The following PTPRD variants were observed in gnomAD, a reference collection of about 807,000 sequenced individuals.
PTPRD encodes the protein protein tyrosine phosphatase receptor type D.
In PTPRD, 34 loss-of-function variants were observed where a neutral mutation model predicts 214.5. That is an observed-to-expected ratio of 0.16 (90% CI 0.12 to 0.21). PTPRD has a LOEUF of 0.21. Among genes scored for constraint, PTPRD ranks in the 10% least tolerant of loss-of-function variants. The pLI, the probability that PTPRD is intolerant of heterozygous loss-of-function variation, is 1.00. For missense variants in PTPRD, 2,545 were observed against 2,398.7 expected, an observed-to-expected ratio of 1.06 and a Z score of -1.27; for synonymous variants, 1,128 against 845.7, an observed-to-expected ratio of 1.33 and a Z score of -5.79.
At chr9:9,556,406 A>G (rs1435540306) in intron 8 of PTPRD, among the ~76,000 whole-genome samples, 1 of 152,130 alleles carries the variant, frequency 6.6e-6, no homozygotes, top group East Asian at 1.9e-4. Context: ...ACATTTATTG[A>G]AAAAATTTAC....
At chr9:9,894,143 A>T (rs115660378) in intron 5 of PTPRD, among the ~76,000 whole-genome samples, 170 of 152,036 alleles carry the variant, frequency 1.1e-3, no homozygotes, top group African/African-American at 3.9e-3. Context: ...TGTCACATGA[A>T]CACCTCTATA....
chr9:9,579,728 G>T (rs971289853), intron 7 of PTPRD, among the ~76,000 whole-genome samples: 1 of 151,964 alleles, frequency 6.6e-6, no homozygotes, highest in African/African-American at 2.4e-5. Context: ...AAATTTGAGG[G>T]GTATAAGTAT....
At chr9:9,743,796 C>T (rs971027013) in intron 6 of PTPRD, among the ~76,000 whole-genome samples, 1 of 147,374 alleles carries the variant, frequency 6.8e-6, no homozygotes, top group African/African-American at 2.5e-5. Flanking sequence ...ATAAATTTCC[C>T]TCCAAAAAAT....
At chr9:9,736,791 T>C (rs1275650887) in intron 6 of PTPRD, among the ~76,000 whole-genome samples, 1 of 152,050 alleles carries the variant, frequency 6.6e-6, no homozygotes, top group African/African-American at 2.4e-5. Context: ...GGGTAGTCTT[T>C]CCTTATCGAT....
chr9:9,955,892 A>G (rs115937478), intron 4 of PTPRD, among the ~76,000 whole-genome samples: 3 of 152,230 alleles, frequency 2.0e-5, no homozygotes, highest in African/African-American at 7.2e-5. Flanking sequence ...TAATGTAACT[A>G]CATGTTCCTG....
At chr9:10,085,472 T>G (rs1375683469) in intron 3 of PTPRD, among the ~76,000 whole-genome samples, 4 of 151,982 alleles carry the variant, frequency 2.6e-5, no homozygotes, top group Admixed American at 2.6e-4. Context: ...TGAGAAACCT[T>G]GTTTCTGTTG....
rs59780411 is a variant in PTPRD at position 9,840,761 on chromosome 9, C to CAAAAAA, written c.-367-73916_-367-73911dup. On this transcript the variant is annotated intron_variant, in intron 5 of 45. Coordinates refer to ENST00000381196, the MANE Select transcript of PTPRD (RefSeq NM_002839.4). ...CTGGCGACAGAGCAAGACTCCGTTT[C>CAAAAAA]AAAAAAAAAAAAAAAAAAAAAAAAA... Among the ~76,000 whole-genome samples the CAAAAAA allele has an allele frequency of 3.9e-4, 24 of 61,620 alleles. 1 individual carries two copies. Among genetic ancestry groups the CAAAAAA allele is most frequent in the African/African-American group, 7.4e-4 (10 of 13,458 alleles). 40.4% of individuals were successfully genotyped at this position (61,620 alleles called of 152,430 possible). A position where few individuals can be genotyped will look rare whatever the true frequency, so the allele number is the denominator to read the frequency against.
chr9:9,192,280 G>C (rs938659212), intron 9 of PTPRD, among the ~76,000 whole-genome samples: 2 of 152,014 alleles, frequency 1.3e-5, no homozygotes, highest in African/African-American at 2.4e-5. Flanking sequence ...CAGGAGTGCA[G>C]TTCTCACACA....
intron 10 of PTPRD, among the ~76,000 whole-genome samples, chr9:9,052,948 T>A (rs928225309): frequency 6.6e-6 from 1 of 152,188 alleles, no homozygotes; most frequent in Non-Finnish European, 1.5e-5. Flanking sequence ...TTTTACGTAC[T>A]GAAACATTCT....
At chr9:9,850,101 C>T (rs2153662688) in intron 5 of PTPRD, among the ~76,000 whole-genome samples, 1 of 152,270 alleles carries the variant, frequency 6.6e-6, no homozygotes, top group Non-Finnish European at 1.5e-5. Context: ...CACCCCAGAT[C>T]CACCACCCAA....
chr9:10,361,457 G>A (rs2097389696), intron 2 of PTPRD, among the ~76,000 whole-genome samples: 1 of 152,118 alleles, frequency 6.6e-6, no homozygotes, highest in African/African-American at 2.4e-5. Context: ...AAAATGCTGT[G>A]CTTTGAGTAG....
intron 7 of PTPRD, among the ~76,000 whole-genome samples, chr9:9,603,654 G>A (rs2093942698): frequency 6.6e-6 from 1 of 151,968 alleles, no homozygotes; most frequent in Non-Finnish European, 1.5e-5. Flanking sequence ...TGAGTTTGGA[G>A]CTCCTTATGA....
intron 10 of PTPRD, among the ~76,000 whole-genome samples, chr9:9,140,504 C>T (rs1405786472): frequency 6.6e-6 from 1 of 152,220 alleles, no homozygotes; most frequent in Admixed American, 6.5e-5. Flanking sequence ...TAGCAACATT[C>T]AGATGACAAC....
rs991280185 is a variant in PTPRD, at chr9:9,136,587, A to G, written c.-143+46717T>C. Among the ~76,000 whole-genome samples the G allele has an allele frequency of 7.9e-5, 12 of 152,322 alleles. No homozygotes were observed. In the East Asian group the frequency reaches 2.3e-3, roughly 29 times the overall value. On this transcript the variant is annotated intron_variant, in intron 10 of 45. Transcript: ENST00000381196. ...TAATATGTGAAATCAAGAGTAACTT[A>G]ATTTTACAAAAATTAATTCTCTTTT...
rs184021061 is a variant in PTPRD, at chr9:8,719,688, G to A, written c.64+14092C>T. Among the ~76,000 whole-genome samples, 27 of 150,238 alleles carry A rather than the reference G, an allele frequency of 1.8e-4. No individual in the cohort carries two copies. The East Asian group carries it at 5.0e-3, about 28-fold the overall frequency. Reference sequence around the variant, plus strand: ...GTTACAGTGGCAGAGTTGAATAGCTGTGATAGAGACCCACAAAGCCAACAA... The same window carrying A: ...GTTACAGTGGCAGAGTTGAATAGCTATGATAGAGACCCACAAAGCCAACAA... On this transcript the variant is annotated intron_variant, in intron 12 of 45. Coordinates refer to ENST00000381196, the MANE Select transcript of PTPRD (RefSeq NM_002839.4).
intron 3 of PTPRD, among the ~76,000 whole-genome samples, chr9:10,109,424 C>A (rs188657451): frequency 2.0e-5 from 3 of 152,152 alleles, no homozygotes; most frequent in Non-Finnish European, 4.4e-5. Flanking sequence ...AATAAAATCG[C>A]ATGTACTACA....
chr9:8,417,894 A>T (rs1021208529), intron 35 of PTPRD, among the ~76,000 whole-genome samples: 1 of 152,154 alleles, frequency 6.6e-6, no homozygotes, highest in Non-Finnish European at 1.5e-5. Context: ...TTCAAAAACT[A>T]GCTTTAGTTC....
At chr9:9,533,054 C>G (rs545704736) in intron 8 of PTPRD, among the ~76,000 whole-genome samples, 6 of 152,262 alleles carry the variant, frequency 3.9e-5, no homozygotes, top group African/African-American at 1.4e-4. Flanking sequence ...TGGATACAAA[C>G]TCTGGCATGT....
intron 9 of PTPRD, among the ~76,000 whole-genome samples, chr9:9,198,823 T>A (rs1228443558): frequency 2.0e-5 from 3 of 152,146 alleles, no homozygotes; most frequent in Non-Finnish European, 4.4e-5. Flanking sequence ...ATATAGTATA[T>A]CTTCAAATAA....
Sources: allele counts gnomAD v4.1 joint callset (sites outside exome capture counted in the v4.1 genomes callset), GRCh38; gene constraint gnomAD v4.1.1; transcripts MANE v1.5; gene names NCBI Gene and HGNC (gene_info 2026-07-23, HGNC 2026-07-21).